TMOD4: variants seen among roughly 807,000 people sequenced by gnomAD.
The protein encoded by TMOD4 is tropomodulin-4.
In TMOD4, 34 loss-of-function variants were observed where a neutral mutation model predicts 45.4. The observed-to-expected ratio is 0.75, with a 90% CI of 0.57 to 1.00. TMOD4 has a LOEUF of 1.00. TMOD4 is among the 50% of genes least tolerant of loss of function. The probability of loss-of-function intolerance (pLI) is 0.00; values close to 1 mark genes in which losing one functional copy is unlikely to be tolerated. For synonymous variants in TMOD4, 131 were observed against 153.9 expected, an observed-to-expected ratio of 0.85 and a Z score of 1.10; for missense variants, 399 against 437.5, an observed-to-expected ratio of 0.91 and a Z score of 0.78.
In TMOD4 at chr1:151,170,631, C is replaced by T; in HGVS notation, c.903G>A (p.Glu301=). 3 of 1,614,184 alleles carry T rather than the reference C, an allele frequency of 1.9e-6. No individual in the cohort carries two copies. The highest frequency in any genetic ancestry group is 2.5e-6 in the Non-Finnish European group (3 of 1,180,032). ...GACACTGCTCTAGCACGGTGGCCAT[C>T]TCCATCTCCACTGCATCACCAGGCC... is the stretch of plus-strand genomic sequence containing the variant. ...RQWPGDAVEM[E]MATVLEQCPS... Residue 301 remains glutamate (E), a synonymous_variant, in exon 9 of 10, where the codon GAG becomes GAA. Transcript: ENST00000295314.
chr1:151,170,044 G>A lies in TMOD4; in HGVS notation c.*37C>T. The A allele has an allele frequency of 1.2e-6, 2 of 1,613,316 alleles. No homozygotes were observed. The highest frequency in any genetic ancestry group is 2.2e-5 in the South Asian group (2 of 91,062). ...GGACAGATGAGGATTTAAGTGTCCA[G>A]TGCTCCCAGCGCTAGTTGGTAAAGG... is the stretch of plus-strand genomic sequence containing the variant. On this transcript the variant is annotated 3_prime_UTR_variant, in exon 10 of 10. Coordinates refer to ENST00000295314, the MANE Select transcript of TMOD4 (RefSeq NM_013353.3).
At chr1:151,174,011 C>T (rs770373416) in intron 3 of TMOD4, among the ~76,000 whole-genome samples, 27 of 151,986 alleles carry the variant, frequency 1.8e-4, no homozygotes, top group South Asian at 6.2e-4. Context: ...GTCAGGAGAT[C>T]GAGACCATCC....
chr1:151,173,366 A>G (rs1355796158), intron 4 of TMOD4, 133 bp downstream of exon 4: 1 of 685,572 alleles, frequency 1.5e-6, no homozygotes. Flanking sequence ...AAACAAGAAA[A>G]GCTTGAAACT....
intron 3 of TMOD4, 89 bp downstream of exon 3, chr1:151,174,302 G>C (rs1684039581): frequency 2.9e-5 from 42 of 1,447,324 alleles, no homozygotes; most frequent in Non-Finnish European, 3.8e-5. Context: ...CTAGGAGCTG[G>C]AAGGTGAGAG....
intron 4 of TMOD4, among the ~76,000 whole-genome samples, 163 bp from the exon 5 acceptor site, chr1:151,172,520 C>T (rs879917294): frequency 6.6e-6 from 1 of 152,186 alleles, no homozygotes; most frequent in Non-Finnish European, 1.5e-5. Flanking sequence ...TTTCCATAAA[C>T]TTCTTAAGGC....
chr1:151,174,287 G>GT, intron 3 of TMOD4, 104 bp downstream of exon 3: 1 of 1,288,624 alleles, frequency 7.8e-7, no homozygotes, highest in Non-Finnish European at 1.1e-6. Context: ...TGAGTCCCTA[G>GT]GCAACTAGGA....
chr1:151,171,876 A>G, intron 5 of TMOD4, 113 bp from the exon 6 acceptor site: 1 of 1,363,384 alleles, frequency 7.3e-7, no homozygotes, highest in Non-Finnish European at 9.7e-7. Flanking sequence ...CGCTCTATCC[A>G]CCTAGGCTGG....
Position 151,171,028 on chromosome 1 carries a change from G to A in TMOD4, c.762C>T (p.Leu254=), listed in dbSNP as rs1683936163. ...VADMLRENRS[L]QSLNIESNFI... ...AGTTGGATTCGATGTTTAGGCTCTG[G>A]AGGCTACGATTCTCACGCAACATGT... The change falls in exon 8 of 10, where the codon CTC becomes CTT. Residue 254 remains leucine, a synonymous_variant. Transcript: ENST00000295314. The A allele has an allele frequency of 1.1e-5, 18 of 1,614,056 alleles. No individual in the cohort carries two copies. The highest frequency in any genetic ancestry group is 1.5e-5 in the Non-Finnish European group (18 of 1,180,046).
Position 151,171,451 on chromosome 1 carries a change from A to C in TMOD4, c.708T>G (p.Ser236Arg). Residue 236 changes from serine (S) to arginine (R), a missense_variant, in exon 7 of 10, where the codon AGT (serine) becomes AGG (arginine). By Grantham distance (110) the Ser-to-Arg change is moderately radical. Coordinates refer to ENST00000295314, the MANE Select transcript of TMOD4 (RefSeq NM_013353.3). ...VRSFSLVATR[S>R]GDPIANAVAD... is the part of the protein sequence containing the mutation. ...GCCTTACATTGGCAATGGGGTCACC[A>C]CTCCTCGTGGCTACCAGACTGAAGC... 1 of 1,613,900 alleles carries C rather than the reference A, an allele frequency of 6.2e-7. No individual in the cohort carries two copies. The highest frequency in any genetic ancestry group is 8.5e-7 in the Non-Finnish European group (1 of 1,179,974).
Position 151,171,196 on chromosome 1 carries a change from A to G in TMOD4, c.727-133T>C, listed in dbSNP as rs371533275. 5 of 1,072,614 alleles carry G rather than the reference A, an allele frequency of 4.7e-6. No individual in the cohort carries two copies. In the African/African-American group the frequency reaches 7.8e-5, roughly 17 times the overall value. 66.4% of individuals were successfully genotyped at this position (1,072,614 alleles called of 1,614,324 possible). A position where few individuals can be genotyped will look rare whatever the true frequency, so the allele number is the denominator to read the frequency against. ...AGGTGCTGTAAATGGAGCTAGAGGGATACAGAAAGCAGGGCGGATAGCAGG... is the reference window on the plus strand; with the variant it reads ...AGGTGCTGTAAATGGAGCTAGAGGGGTACAGAAAGCAGGGCGGATAGCAGG... On this transcript the variant is annotated intron_variant, in intron 7 of 9. Transcript: ENST00000295314.
rs766857243 is a variant in TMOD4 at position 151,170,904 on chromosome 1, G to A, written c.870+16C>T. The A allele has an allele frequency of 6.2e-7, 1 of 1,613,468 alleles. No individual in the cohort carries two copies. The highest frequency in any genetic ancestry group is 8.5e-7 in the Non-Finnish European group (1 of 1,179,716). ...AATGAGACTGAATGCTAACATCAGG[G>A]GAAGGGAATGCTGACCTGATTGTCT... On this transcript the variant is annotated intron_variant, in intron 8 of 9. Coordinates refer to ENST00000295314, the MANE Select transcript of TMOD4 (RefSeq NM_013353.3).
At chr1:151,171,823 G>T in intron 5 of TMOD4, 60 bp from the exon 6 acceptor site, 2 of 1,544,564 alleles carry the variant, frequency 1.3e-6, no homozygotes, top group Non-Finnish European at 1.7e-6. Context: ...CTCCCCATTG[G>T]TTTTCTTTTC....
Position 151,170,305 on chromosome 1 carries a change from A to G in TMOD4, c.1016-202T>C, listed in dbSNP as rs587671689. ...ACGATACCTCTAAACAAGTATGATT[A>G]TCTCTGGCATCCTTTCTACCTCTCT... On this transcript the variant is annotated intron_variant, in intron 9 of 9. Coordinates refer to ENST00000295314, the MANE Select transcript of TMOD4 (RefSeq NM_013353.3). 4 of 838,588 alleles carry G rather than the reference A, an allele frequency of 4.8e-6. No individual in the cohort carries two copies. In the African/African-American group the frequency reaches 6.8e-5, roughly 14 times the overall value. 51.9% of individuals were successfully genotyped at this position (838,588 alleles called of 1,614,324 possible).
intron 3 of TMOD4, 143 bp downstream of exon 3, chr1:151,174,248 G>A (rs2101715771): frequency 2.4e-6 from 2 of 841,632 alleles, no homozygotes; most frequent in East Asian, 2.4e-5. Flanking sequence ...ACTGAAGAGT[G>A]CAAGCTCGCA....
Position 151,172,335 on chromosome 1 carries a change from C to T in TMOD4, c.420G>A (p.Leu140=). 5.0e-6 allele frequency: 8 copies of T among 1,613,668 alleles called. No individual in the cohort carries two copies. Among genetic ancestry groups the T allele is most frequent in the Non-Finnish European group, 6.8e-6 (8 of 1,179,698 alleles). ...CATCATAGTATTGCTTGTTACTCAT[C>T]AGTGTGTACATGTCCAGAATTGCTG... ...DIAAILDMYT[L]MSNKQYYDAL... The change falls in exon 5 of 10, where the codon CTG becomes CTA. Residue 140 remains leucine, a synonymous_variant. Coordinates refer to ENST00000295314, the MANE Select transcript of TMOD4 (RefSeq NM_013353.3).
chr1:151,173,470 C>T (rs1451520807), intron 4 of TMOD4, 29 bp downstream of exon 4: 1 of 1,579,446 alleles, frequency 6.3e-7, no homozygotes, highest in African/African-American at 1.3e-5. Context: ...CCCTGATCCT[C>T]TCACCCTCAA....
intron 4 of TMOD4, among the ~76,000 whole-genome samples, chr1:151,173,128 T>A (rs1684008807): frequency 6.6e-6 from 1 of 152,020 alleles, no homozygotes; most frequent in African/African-American, 2.4e-5. Flanking sequence ...GCCAGTTTTT[T>A]GTATTTTAGT....
rs753356042 is a variant in TMOD4, at chr1:151,170,612, G to T, written c.922C>A (p.Gln308Lys). The change falls in exon 9 of 10, where the codon CAG becomes AAG. Residue 308 changes from glutamine (Q) to lysine (K), a missense_variant. Gln to Lys is a moderately conservative substitution (Grantham distance 53). Coordinates refer to ENST00000295314, the MANE Select transcript of TMOD4 (RefSeq NM_013353.3). The part of the protein sequence containing the change: ...VEMEMATVLE[Q>K]CPSIVRFGYH... ...CCAAAGCGGACAATAGAGGGACACT[G>T]CTCTAGCACGGTGGCCATCTCCATC... 1 of 1,614,202 alleles carries T rather than the reference G, an allele frequency of 6.2e-7. No individual in the cohort carries two copies. Among genetic ancestry groups the T allele is most frequent in the South Asian group, 1.1e-5 (1 of 91,092 alleles).
chr1:151,174,083 G>A (rs1207132099), intron 3 of TMOD4, among the ~76,000 whole-genome samples: 1 of 152,186 alleles, frequency 6.6e-6, no homozygotes, highest in Non-Finnish European at 1.5e-5. Context: ...GGGCGTGGTG[G>A]TGGGCGCCTG....
Sources: allele counts gnomAD v4.1 joint callset (sites outside exome capture counted in the v4.1 genomes callset), GRCh38; gene constraint gnomAD v4.1.1; transcripts MANE v1.5; gene names NCBI Gene and HGNC (gene_info 2026-07-23, HGNC 2026-07-21).